CTNNA2: variants seen among roughly 807,000 people sequenced by gnomAD.
CTNNA2 encodes catenin alpha-2.
CTNNA2 carries 42 observed loss-of-function variants against 101.0 expected under a neutral mutation model. The observed-to-expected ratio is 0.42, with a 90% CI of 0.32 to 0.54. The LOEUF is 0.54. Among genes scored for constraint, CTNNA2 ranks in the 20% least tolerant of loss-of-function variants. The probability of loss-of-function intolerance (pLI) is 0.14; values close to 1 mark genes in which losing one functional copy is unlikely to be tolerated. For missense variants in CTNNA2, 871 were observed against 1,223.1 expected (o/e 0.71, Z 4.29); for synonymous variants, 450 against 456.4 (o/e 0.99, Z 0.18).
intron 2 of CTNNA2, among the ~76,000 whole-genome samples, chr2:79,740,391 C>T (rs577316213): frequency 1.3e-5 from 2 of 152,272 alleles, no homozygotes; most frequent in Middle Eastern, 6.8e-3. Flanking sequence ...AGCATTGTTA[C>T]ATAGGAACCC....
intron 2 of CTNNA2, among the ~76,000 whole-genome samples, chr2:79,266,021 A>G (rs78499034): frequency 0.072 from 10,946 of 152,222 alleles, 547 homozygotes; most frequent in African/African-American, 0.14. Flanking sequence ...AATAAACATA[A>G]AAGTTACTAA....
At chr2:79,800,653 A>G (rs1449116691) in intron 3 of CTNNA2, among the ~76,000 whole-genome samples, 1 of 152,116 alleles carries the variant, frequency 6.6e-6, no homozygotes, top group East Asian at 1.9e-4. Flanking sequence ...GGCGAAAGAG[A>G]GGGGCTCCAG....
At chr2:79,338,575 A>ATCTTCCTCT (rs1239699778) in intron 3 of CTNNA2, among the ~76,000 whole-genome samples, 2 of 115,422 alleles carry the variant, frequency 1.7e-5, no homozygotes, top group African/African-American at 3.4e-5. Flanking sequence ...CTTCCTCCTC[A>ATCTTCCTCT]TCATCTTCTT....
chr2:79,898,568 T>C (rs1001801286), intron 6 of CTNNA2, among the ~76,000 whole-genome samples: 5 of 152,212 alleles, frequency 3.3e-5, no homozygotes, highest in African/African-American at 1.2e-4. Flanking sequence ...TCACCTAACC[T>C]GACCGAGGAA....
At chr2:79,534,236 T>A (rs1358741488) in intron 1 of CTNNA2, among the ~76,000 whole-genome samples, 1 of 152,158 alleles carries the variant, frequency 6.6e-6, no homozygotes, top group Non-Finnish European at 1.5e-5. Flanking sequence ...ATTTTATGGC[T>A]ACATTTTATT....
At chr2:79,357,058 G>T (rs994596619) in intron 3 of CTNNA2, among the ~76,000 whole-genome samples, 4 of 152,172 alleles carry the variant, frequency 2.6e-5, no homozygotes, top group Non-Finnish European at 5.9e-5. Context: ...TGGGTGGATT[G>T]GCTCACATCT....
At chr2:79,672,710 T>A (rs2104592443) in intron 2 of CTNNA2, among the ~76,000 whole-genome samples, 1 of 146,064 alleles carries the variant, frequency 6.8e-6, no homozygotes, top group South Asian at 2.1e-4. Context: ...TCTTTTTTCT[T>A]TTTTTTTTTT....
At chr2:79,205,019 T>G (rs1292572590) in intron 2 of CTNNA2, among the ~76,000 whole-genome samples, 1 of 152,248 alleles carries the variant, frequency 6.6e-6, no homozygotes. Context: ...AAGCAGAGTT[T>G]AGTTTTTCTC....
chr2:79,889,704 A>G (rs1477161546), intron 6 of CTNNA2, among the ~76,000 whole-genome samples: 2 of 152,140 alleles, frequency 1.3e-5, no homozygotes, highest in Admixed American at 1.3e-4. Flanking sequence ...TTCTTCTCCT[A>G]CCCATCTTAA....
At chr2:79,847,861 C>T (rs1253449890) in intron 3 of CTNNA2, among the ~76,000 whole-genome samples, 1 of 152,098 alleles carries the variant, frequency 6.6e-6, no homozygotes, top group Non-Finnish European at 1.5e-5. Context: ...GTTTGATGCT[C>T]GCGTTATCTC....
At chr2:79,591,908 ATTT>A (rs35116136) in intron 1 of CTNNA2, among the ~76,000 whole-genome samples, 16,145 of 131,986 alleles carry the variant, frequency 0.12, 1,489 homozygotes, top group African/African-American at 0.28. Context: ...TGAAAAAAAA[ATTT>A]TTTTTTTTTT....
chr2:79,643,536 A>C (rs1680598373), intron 1 of CTNNA2, among the ~76,000 whole-genome samples: 1 of 152,222 alleles, frequency 6.6e-6, no homozygotes, highest in East Asian at 1.9e-4. Flanking sequence ...TGTCATGGAC[A>C]CACAAATCTG....
intron 7 of CTNNA2, among the ~76,000 whole-genome samples, chr2:79,963,340 A>G (rs1244807461): frequency 1.3e-5 from 2 of 152,204 alleles, no homozygotes; most frequent in South Asian, 2.1e-4. Context: ...GATGGTGCTG[A>G]TGGAAGGCTA....
At chr2:79,630,777 A>G (rs905324010) in intron 1 of CTNNA2, among the ~76,000 whole-genome samples, 1 of 152,232 alleles carries the variant, frequency 6.6e-6, no homozygotes, top group African/African-American at 2.4e-5. Flanking sequence ...GGAGCCATCA[A>G]TTCCAGACAC....
At chr2:80,355,972 C>T (rs1673757472) in intron 7 of CTNNA2, among the ~76,000 whole-genome samples, 1 of 151,542 alleles carries the variant, frequency 6.6e-6, no homozygotes, top group African/African-American at 2.4e-5. Flanking sequence ...CTTAGCCTGT[C>T]CATTTCACTC....
At chr2:79,862,793 G>T (rs1017543548) in intron 4 of CTNNA2, among the ~76,000 whole-genome samples, 1 of 152,204 alleles carries the variant, frequency 6.6e-6, no homozygotes, top group Non-Finnish European at 1.5e-5. Flanking sequence ...TGTTAGGAAA[G>T]GGTGCATATT....
At chr2:79,313,542 A>G (rs950037145) in intron 3 of CTNNA2, among the ~76,000 whole-genome samples, 3 of 152,236 alleles carry the variant, frequency 2.0e-5, no homozygotes, top group African/African-American at 7.2e-5. Flanking sequence ...GCAGAGCTGG[A>G]GTTCAAAATC....
intron 2 of CTNNA2, among the ~76,000 whole-genome samples, chr2:79,242,989 T>C (rs71337754): frequency 0.35 from 32,188 of 90,878 alleles, 4,281 homozygotes; most frequent in East Asian, 0.47. Flanking sequence ...TATATATATA[T>C]ATATACACAC....
intron 7 of CTNNA2, among the ~76,000 whole-genome samples, chr2:80,080,102 G>T (rs1321231597): frequency 6.6e-6 from 1 of 152,118 alleles, no homozygotes; most frequent in South Asian, 2.1e-4. Flanking sequence ...GGTTCCCCCA[G>T]TGTCCTCCAG....
Sources: gnomAD v4.1 joint callset for allele counts (sites outside exome capture counted in the v4.1 genomes callset) on GRCh38, gnomAD v4.1.1 for gene constraint, MANE v1.5 for transcripts, NCBI Gene and HGNC (gene_info 2026-07-23, HGNC 2026-07-21) for gene names.